Variants in VPS26C observed in about 807,000 individuals in gnomAD.
VPS26C encodes the protein VPS26 endosomal protein sorting factor C, also known as vacuolar protein sorting-associated protein 26C.
VPS26C carries 19 observed loss-of-function variants against 30.6 expected under a neutral mutation model. That is an observed-to-expected ratio of 0.62 (90% confidence interval 0.43 to 0.91). VPS26C has a LOEUF of 0.91. Ranked by LOEUF, VPS26C falls within the 40% of genes least tolerant of loss-of-function variation. The pLI, the probability that VPS26C is intolerant of heterozygous loss-of-function variation, is 0.00. For missense variants in VPS26C, 318 were observed against 385.1 expected, an observed-to-expected ratio of 0.83 and a Z score of 1.46; for synonymous variants, 132 against 151.5, an observed-to-expected ratio of 0.87 and a Z score of 0.95.
At chr21:37,245,476 C>T (rs2086128433) in intron 1 of VPS26C, among the ~76,000 whole-genome samples, 1 of 152,174 alleles carries the variant, frequency 6.6e-6, no homozygotes, top group Non-Finnish European at 1.5e-5. Context: ...CAGATACCTG[C>T]AGGACTCGGT....
chr21:37,235,869 A>G (rs1478331615), intron 3 of VPS26C, among the ~76,000 whole-genome samples: 1 of 91,904 alleles, frequency 1.1e-5, no homozygotes, highest in Admixed American at 1.1e-4. Flanking sequence ...ATATATATAT[A>G]TATATATATA....
At chr21:37,254,081 T>C (rs2086219062) in intron 1 of VPS26C, among the ~76,000 whole-genome samples, 2 of 152,210 alleles carry the variant, frequency 1.3e-5, no homozygotes, top group African/African-American at 2.4e-5. Flanking sequence ...GAGCCTGGAA[T>C]TGGCATAATT....
chr21:37,233,373 C>T lies in VPS26C; in HGVS notation c.421G>A (p.Val141Ile), dbSNP rs1230427642. The T allele has an allele frequency of 8.1e-6, 13 of 1,613,824 alleles. No individual in the cohort carries two copies. Among genetic ancestry groups the T allele is most frequent in the Middle Eastern group, 1.6e-4 (1 of 6,084 alleles). The change falls in exon 4 of 8, where the codon GTT becomes ATT. Residue 141 changes from valine (V) to isoleucine (I), a missense_variant. By Grantham distance (29) the Val-to-Ile change is conservative (BLOSUM62 3). Coordinates refer to ENST00000309117, the MANE Select transcript of VPS26C (RefSeq NM_006052.2). This position sits in a 1 kb window ranked among gnomAD's most constrained non-coding sequence, Gnocchi z 5.2. ...CGAGTGAAGCTTACAGCGGAGTGAACGATAAATTCACAGGTCTTTGTCAAG... is the reference window on the plus strand; with the variant it reads ...CGAGTGAAGCTTACAGCGGAGTGAATGATAAATTCACAGGTCTTTGTCAAG... ...KDLTKTCEFIVHSAPQKGKFT... is the reference protein window; with the variant it reads ...KDLTKTCEFIIHSAPQKGKFT...
chr21:37,236,876 T>C (rs974172913), intron 3 of VPS26C, among the ~76,000 whole-genome samples: 4 of 152,164 alleles, frequency 2.6e-5, no homozygotes, highest in Non-Finnish European at 5.9e-5. Flanking sequence ...ACCTGTTAAC[T>C]CTCCTACTAT....
At chr21:37,251,948 G>C (rs1329193264) in intron 1 of VPS26C, among the ~76,000 whole-genome samples, 1 of 152,186 alleles carries the variant, frequency 6.6e-6, no homozygotes, top group East Asian at 1.9e-4. Flanking sequence ...TCTCTGCAAT[G>C]CTTTTCCTTT....
At chr21:37,266,490 A>C (rs566158440) in intron 1 of VPS26C, among the ~76,000 whole-genome samples, 1 of 152,274 alleles carries the variant, frequency 6.6e-6, no homozygotes, top group Non-Finnish European at 1.5e-5. Context: ...TCATATTTTA[A>C]AATTCTCCAG....
In VPS26C at chr21:37,228,345, C is replaced by T. The variant is rs749900887; in HGVS notation, c.536G>A (p.Arg179Gln). Residue 179 changes from arginine to glutamine, a missense_variant, in exon 6 of 8, where the codon CGA becomes CAA. Arg to Gln is a conservative substitution (Grantham distance 43). Transcript: ENST00000309117. ...ACAGTTTGTTGAGTTGAGATGTCCT[C>T]GAAGGAGAAATTTGGGAAGCAAAGC... ...ERALLPKFLL[R>Q]GHLNSTNCVI... 14 of 1,613,932 alleles carry T rather than the reference C, an allele frequency of 8.7e-6. No homozygotes were observed. The highest frequency in any genetic ancestry group is 7.7e-5 in the South Asian group (7 of 91,080).
chr21:37,227,545 T>G (rs1012993801), intron 7 of VPS26C, 109 bp downstream of exon 7: 2 of 1,305,726 alleles, frequency 1.5e-6, no homozygotes, highest in African/African-American at 2.9e-5. Context: ...GCCCTGGCAC[T>G]GAGGGACCGA....
chr21:37,267,325 G>A lies in VPS26C; in HGVS notation c.-31C>T. 2 of 1,594,410 alleles carry A rather than the reference G, an allele frequency of 1.3e-6. No homozygotes were observed. Among genetic ancestry groups the A allele is most frequent in the Non-Finnish European group, 1.7e-6 (2 of 1,165,552 alleles). On this transcript the variant is annotated 5_prime_UTR_variant, in exon 1 of 8. Coordinates refer to ENST00000309117, the MANE Select transcript of VPS26C (RefSeq NM_006052.2). Reference sequence around the variant, plus strand: ...ATTCTCCGCAGCAGCCGCCACTTCCGGCTGCGCGTGACCCCAGGGAAACAA... The same window carrying A: ...ATTCTCCGCAGCAGCCGCCACTTCCAGCTGCGCGTGACCCCAGGGAAACAA...
rs144461838 is a variant in VPS26C, at chr21:37,250,757, G to A, written c.58-10118C>T. On this transcript the variant is annotated intron_variant, in intron 1 of 7. Coordinates refer to ENST00000309117, the MANE Select transcript of VPS26C (RefSeq NM_006052.2). ...TCTACCAAAAATATAAAAATTAGTCGGGTGTGGTGGTGCACGCCTGTAATC... is the reference window on the plus strand; with the variant it reads ...TCTACCAAAAATATAAAAATTAGTCAGGTGTGGTGGTGCACGCCTGTAATC... Among the ~76,000 whole-genome samples, 859 of 151,792 alleles carry A rather than the reference G, an allele frequency of 5.7e-3. 3 individuals are homozygous for A. The highest frequency in any genetic ancestry group is 9.0e-3 in the Non-Finnish European group (608 of 67,898).
At chr21:37,236,248 C>T (rs577290559) in intron 3 of VPS26C, among the ~76,000 whole-genome samples, 7 of 152,230 alleles carry the variant, frequency 4.6e-5, no homozygotes, top group Admixed American at 1.3e-4. Flanking sequence ...GGTCTGGACC[C>T]GCAGGCTGAG....
intron 4 of VPS26C, 70 bp from the exon 5 acceptor site, chr21:37,232,521 C>T: frequency 7.2e-7 from 1 of 1,380,566 alleles, no homozygotes; most frequent in Non-Finnish European, 1.0e-6. Context: ...TAGCTTTTCC[C>T]TTTCAAAAAT....
At chr21:37,267,202 ACCCC>A in intron 1 of VPS26C, 32 bp downstream of exon 1, 7 of 998,922 alleles carry the variant, frequency 7.0e-6, no homozygotes, top group Non-Finnish European at 7.8e-6. Flanking sequence ...GACCCGCCCA[ACCCC>A]ACCTCCATCC....
intron 1 of VPS26C, among the ~76,000 whole-genome samples, chr21:37,259,079 ACCT>A (rs1373531199): frequency 1.3e-5 from 2 of 152,162 alleles, no homozygotes; most frequent in African/African-American, 4.8e-5. Context: ...TCTCAAAATT[ACCT>A]TAAGATCTCT....
chr21:37,262,798 T>G (rs1234398664), intron 1 of VPS26C, among the ~76,000 whole-genome samples: 1 of 151,694 alleles, frequency 6.6e-6, no homozygotes, highest in Non-Finnish European at 1.5e-5. Flanking sequence ...GACAGAGTCT[T>G]GCTCTGTTGC....
At chr21:37,259,317 G>A (rs984252234) in intron 1 of VPS26C, among the ~76,000 whole-genome samples, 1 of 151,724 alleles carries the variant, frequency 6.6e-6, no homozygotes, top group Non-Finnish European at 1.5e-5. Flanking sequence ...TTACGGGCAT[G>A]CCCAATTAAG....
chr21:37,242,486 G>A (rs2086097384), intron 1 of VPS26C, among the ~76,000 whole-genome samples: 1 of 151,982 alleles, frequency 6.6e-6, no homozygotes, highest in Non-Finnish European at 1.5e-5. Flanking sequence ...TCAGGAAGCT[G>A]AGGGCAGGAG....
chr21:37,243,189 C>T (rs2086104721), intron 1 of VPS26C, among the ~76,000 whole-genome samples: 2 of 152,122 alleles, frequency 1.3e-5, no homozygotes, highest in Admixed American at 6.5e-5. Context: ...CTCAGATTTT[C>T]GTCTAGACTT....
intron 1 of VPS26C, among the ~76,000 whole-genome samples, chr21:37,258,835 G>A (rs758483463): frequency 7.9e-5 from 12 of 152,184 alleles, no homozygotes; most frequent in African/African-American, 2.9e-4. Flanking sequence ...ATGCTCAGGC[G>A]CAGGCTGGTA....
Sources: allele counts gnomAD v4.1 joint callset (sites outside exome capture counted in the v4.1 genomes callset), GRCh38; gene constraint gnomAD v4.1.1; non-coding constraint Gnocchi (gnomAD v3.1); transcripts MANE v1.5; gene names NCBI Gene and HGNC (gene_info 2026-07-23, HGNC 2026-07-21).